FANCI: variants seen among roughly 807,000 people sequenced by gnomAD.
FANCI encodes the protein FA complementation group I.
In FANCI, 156 loss-of-function variants were observed where a neutral mutation model predicts 176.1. That is an observed-to-expected ratio of 0.89 (90% CI 0.78 to 1.01). FANCI has a LOEUF of 1.01. Among genes scored for constraint, FANCI ranks in the 50% least tolerant of loss-of-function variants. The probability of loss-of-function intolerance (pLI) is 0.00; values close to 1 mark genes in which losing one functional copy is unlikely to be tolerated. For synonymous variants in FANCI, 613 were observed against 541.7 expected (o/e 1.13, Z -1.83); for missense variants, 1,678 against 1,534.1 (o/e 1.09, Z -1.57).
intron 24 of FANCI, 76 bp from the exon 25 acceptor site, chr15:89,299,724 G>A (rs1372255289): frequency 1.4e-6 from 2 of 1,458,036 alleles, no homozygotes; most frequent in Admixed American, 3.4e-5. Context: ...TCACCTACAG[G>A]GTAAGAATTT....
In FANCI at chr15:89,295,043, C is replaced by T. The variant is rs2054201085; in HGVS notation, c.2585C>T (p.Pro862Leu). 4 of 1,551,966 alleles carry T rather than the reference C, an allele frequency of 2.6e-6. No individual in the cohort carries two copies. The highest frequency in any genetic ancestry group is 3.5e-6 in the Non-Finnish European group (4 of 1,147,094). The change falls in exon 24 of 38, where the codon CCT (proline) becomes CTT (leucine). Residue 862 changes from proline to leucine, a missense_variant. Physicochemically the swap from Pro to Leu is moderately conservative, Grantham distance 98 (BLOSUM62 -3). Around this residue, in one of 3 missense-constraint regions of FANCI, gnomAD observed 1,204 missense variants for 1,077.4 expected, o/e 1.12. Transcript: ENST00000310775. ...AAGGAAACAGGGCATGTGAGTGGCC[C>T]TGATGGCCAAAACCCAGAAAAGATC... ...QLKETGHVSG[P>L]DGQNPEKIFQ...
chr15:89,303,152 A>C (rs1318457259), intron 27 of FANCI, among the ~76,000 whole-genome samples: 4 of 152,222 alleles, frequency 2.6e-5, no homozygotes, highest in African/African-American at 9.6e-5. Flanking sequence ...TATTCTGAAG[A>C]TCTTTTAATA....
intron 25 of FANCI, 51 bp from the exon 26 acceptor site, chr15:89,300,249 A>G (rs779663992): frequency 3.2e-6 from 5 of 1,574,202 alleles, no homozygotes; most frequent in Admixed American, 1.7e-5. Context: ...TAAAAGGCCA[A>G]AAAGTATGAG....
At chr15:89,248,452 T>C (rs1342671424) in intron 2 of FANCI, among the ~76,000 whole-genome samples, 5 of 152,050 alleles carry the variant, frequency 3.3e-5, no homozygotes, top group African/African-American at 4.8e-5. Context: ...GTTGTAGTTA[T>C]TGAAGGAAGG....
intron 2 of FANCI, among the ~76,000 whole-genome samples, chr15:89,250,759 A>G (rs1812375835): frequency 6.6e-6 from 1 of 151,122 alleles, no homozygotes; most frequent in Admixed American, 6.6e-5. Flanking sequence ...GAAAAGAGAT[A>G]CAAACAAATT....
At chr15:89,292,921 T>G (rs1488003838) in intron 21 of FANCI, 21 bp from the exon 22 acceptor site, 2 of 1,614,142 alleles carry the variant, frequency 1.2e-6, no homozygotes, top group South Asian at 2.2e-5. Flanking sequence ...AGCTTGTTAA[T>G]TTTTATCTTG....
chr15:89,292,359 T>C (rs944038272), intron 20 of FANCI, among the ~76,000 whole-genome samples: 6 of 152,168 alleles, frequency 3.9e-5, no homozygotes, highest in East Asian at 1.9e-4. Flanking sequence ...CCTCTATCTT[T>C]AGAATAGCCT....
rs759065260 is a variant in FANCI at position 89,306,018 on chromosome 15, T to C, written c.3361T>C (p.Ser1121Pro). ...TTATTTCCCTTTAGAAGAGGCCTCT[T>C]CTCAGGCAACCCTACCAAATCAGCC... ...SQETLSEEASSQATLPNQPVE... is the reference protein window; with the variant it reads ...SQETLSEEASPQATLPNQPVE... The change falls in exon 32 of 38, where the codon TCT becomes CCT. Residue 1121 changes from serine (S) to proline (P), a missense_variant. By Grantham distance (74) the Ser-to-Pro change is moderately conservative (BLOSUM62 -1). Around this residue, in one of 3 missense-constraint regions of FANCI, gnomAD observed 1,204 missense variants for 1,077.4 expected, o/e 1.12. Transcript: ENST00000310775. The C allele has an allele frequency of 1.2e-6, 2 of 1,614,168 alleles. No individual in the cohort carries two copies. The highest frequency in any genetic ancestry group is 1.7e-6 in the Non-Finnish European group (2 of 1,180,032).
rs749777770 is a variant in FANCI, at chr15:89,260,697, T to C, written c.158-16T>C. 1 of 1,610,292 alleles carries C rather than the reference T, an allele frequency of 6.2e-7. No homozygotes were observed. Among genetic ancestry groups the C allele is most frequent in the Non-Finnish European group, 8.5e-7 (1 of 1,177,712 alleles). Reference sequence around the variant, plus strand: ...TTGTAAGACTTGTTTCTGAACCCCCTGTTTAAAACAATAAGGTTCCCCCTG... The same window carrying C: ...TTGTAAGACTTGTTTCTGAACCCCCCGTTTAAAACAATAAGGTTCCCCCTG... On this transcript the variant is annotated splice_polypyrimidine_tract_variant and intron_variant, in intron 3 of 37. Transcript: ENST00000310775.
At chr15:89,305,516 C>A (rs909637860) in intron 30 of FANCI, 89 bp from the exon 31 acceptor site, 1,127 of 1,594,018 alleles carry the variant, frequency 7.1e-4, no homozygotes, top group Non-Finnish European at 9.0e-4. Context: ...AGGCCTGTAA[C>A]CCACCTGTAG....
rs1293392490 is a variant in FANCI, at chr15:89,263,403, C to A, written c.504-16C>A. ...TAAGTTGTAAAGAAATAAACTTTGT[C>A]ATTTTCTTCTACCAGGTGGGATCAG... On this transcript the variant is annotated splice_polypyrimidine_tract_variant and intron_variant, in intron 6 of 37. Transcript: ENST00000310775. 1.2e-6 allele frequency: 2 copies of A among 1,607,994 alleles called. No individual in the cohort carries two copies. The highest frequency in any genetic ancestry group is 1.3e-5 in the African/African-American group (1 of 74,804).
In FANCI at chr15:89,307,928, A is replaced by G. The variant is rs978381544; in HGVS notation, c.3651+256A>G. ...CATTTGGAGCAAGGAAGGAACAAGC[A>G]TGCTCAGGCTCAAGGACTTGGTTTA... is the stretch of plus-strand genomic sequence containing the variant. On this transcript the variant is annotated intron_variant, in intron 34 of 37. Coordinates refer to ENST00000310775, the MANE Select transcript of FANCI (RefSeq NM_001113378.2). 78 of 1,361,152 alleles carry G rather than the reference A, an allele frequency of 5.7e-5. No individual in the cohort carries two copies. The African/African-American group carries it at 1.1e-3, about 19-fold the overall frequency. 84.3% of individuals were successfully genotyped at this position (1,361,152 alleles called of 1,614,324 possible).
chr15:89,273,310 T>TTAA, intron 10 of FANCI, 67 bp from the exon 11 acceptor site: 1 of 597,144 alleles, frequency 1.7e-6, no homozygotes, highest in Non-Finnish European at 2.9e-6. Flanking sequence ...TTTTTTTTTT[T>TTAA]AAAAAAAAAA....
intron 2 of FANCI, 82 bp downstream of exon 2, chr15:89,247,813 T>G (rs1222935846): frequency 8.8e-6 from 10 of 1,137,442 alleles, no homozygotes; most frequent in Non-Finnish European, 1.2e-5. Flanking sequence ...AAAGAAAAAT[T>G]ACGCTGCTTC....
intron 12 of FANCI, among the ~76,000 whole-genome samples, chr15:89,275,354 A>C (rs76801741): frequency 5.9e-5 from 9 of 152,132 alleles, no homozygotes; most frequent in Non-Finnish European, 1.3e-4. Flanking sequence ...TTAAAACCAC[A>C]TGGAAAACAT....
At chr15:89,303,258 C>T (rs929228829) in intron 27 of FANCI, among the ~76,000 whole-genome samples, 2 of 152,162 alleles carry the variant, frequency 1.3e-5, no homozygotes, top group African/African-American at 2.4e-5. Flanking sequence ...TTAAGTATAA[C>T]GGCATTTCGG....
chr15:89,248,289 G>A (rs1442299267), intron 2 of FANCI, among the ~76,000 whole-genome samples: 1 of 152,140 alleles, frequency 6.6e-6, no homozygotes, highest in Admixed American at 6.5e-5. Context: ...TTTTCCATAA[G>A]TGATCTCATC....
intron 26 of FANCI, among the ~76,000 whole-genome samples, chr15:89,300,926 GAC>G (rs2054503313): frequency 6.6e-6 from 1 of 152,192 alleles, no homozygotes; most frequent in Admixed American, 6.5e-5. Context: ...ATAGTAGAAA[GAC>G]ACTGACAAAT....
chr15:89,298,279 TA>T (rs962934019), intron 24 of FANCI, among the ~76,000 whole-genome samples: 8 of 151,574 alleles, frequency 5.3e-5, no homozygotes, highest in Non-Finnish European at 1.2e-4. Flanking sequence ...CTCAGCAAAT[TA>T]AAAAAAAGTA....
Sources: allele counts gnomAD v4.1 joint callset (sites outside exome capture counted in the v4.1 genomes callset), GRCh38; gene constraint gnomAD v4.1.1; regional missense constraint gnomAD v4.1.1; transcripts MANE v1.5; gene names NCBI Gene and HGNC (gene_info 2026-07-23, HGNC 2026-07-21).